The following FAM83G variants were observed in gnomAD, a reference collection of about 807,000 sequenced individuals.
The protein encoded by FAM83G is scaffolding CK1 anchoring protein G.
In FAM83G, 38 loss-of-function variants were observed where a neutral mutation model predicts 61.5. The ratio of observed to expected loss-of-function variants is 0.62; its 90% CI spans 0.48 to 0.81. The LOEUF is 0.81. Ranked by LOEUF, FAM83G falls within the 30% of genes least tolerant of loss-of-function variation. The pLI is 0.00. For missense variants in FAM83G, 989 were observed against 1,133.6 expected (o/e 0.87, Z 1.83); for synonymous variants, 470 against 476.1 (o/e 0.99, Z 0.17).
intron 3 of FAM83G, among the ~76,000 whole-genome samples, chr17:18,983,954 C>T (rs2152125197): frequency 6.6e-6 from 1 of 152,308 alleles, no homozygotes; most frequent in South Asian, 2.1e-4. Flanking sequence ...GGATGTTTAA[C>T]AACATCCTTG....
rs747223859 is a variant in FAM83G at position 18,976,954 on chromosome 17, T to C, written c.2082+630A>G. The C allele has an allele frequency of 3.8e-5, 61 of 1,613,158 alleles. 1 individual carries two copies. In the Admixed American group the frequency reaches 9.8e-4, roughly 26 times the overall value. On this transcript the variant is annotated intron_variant, in intron 5 of 5. Coordinates refer to ENST00000388995, the MANE Select transcript of FAM83G (RefSeq NM_001039999.3). ...AAGATGCTCCCCATGGGCCTGATCA[T>C]CATGCCGGGCATGATCAGCCGCGCA...
chr17:18,986,555 C>G (rs987761123), intron 3 of FAM83G, among the ~76,000 whole-genome samples: 3 of 152,220 alleles, frequency 2.0e-5, no homozygotes, highest in Non-Finnish European at 2.9e-5. Context: ...CAGGCCCAGG[C>G]ACTCCAGGCC....
intron 2 of FAM83G, among the ~76,000 whole-genome samples, chr17:18,997,758 C>T (rs960668519): frequency 2.0e-5 from 3 of 152,210 alleles, no homozygotes; most frequent in African/African-American, 7.2e-5. Flanking sequence ...ACTTCCACCC[C>T]AGACTACTCA....
intron 5 of FAM83G, chr17:18,976,880 C>T (rs767198712): frequency 6.2e-7 from 1 of 1,613,658 alleles, no homozygotes; most frequent in Non-Finnish European, 8.5e-7. Flanking sequence ...CACTGTCAGC[C>T]CGGGACCTGA....
In FAM83G at chr17:18,997,840, C is replaced by T. The variant is rs369341951; in HGVS notation, c.522+5680G>A. Among the ~76,000 whole-genome samples, 32 of 152,294 alleles carry T rather than the reference C, an allele frequency of 2.1e-4. 1 individual carries two copies. In the South Asian group the frequency reaches 6.0e-3, roughly 29 times the overall value. On this transcript the variant is annotated intron_variant, in intron 2 of 5. Coordinates refer to ENST00000388995, the MANE Select transcript of FAM83G (RefSeq NM_001039999.3). ...GCGAGGGGAGAGATCTGGCATCTAC[C>T]GATGCCAGCTCCATGCCAGACACAG... is the stretch of plus-strand genomic sequence containing the variant.
chr17:18,990,456 C>G (rs2043387707), intron 2 of FAM83G, among the ~76,000 whole-genome samples: 1 of 152,198 alleles, frequency 6.6e-6, no homozygotes, highest in Non-Finnish European at 1.5e-5. Context: ...ACGTGCCACC[C>G]TGGAAAGGAG....
At position 18,977,904 on chromosome 17, in the gene FAM83G, C is replaced by T. The variant is rs751950262; in HGVS notation, c.1762G>A (p.Val588Ile). The T allele has an allele frequency of 6.8e-6, 11 of 1,610,500 alleles. No individual in the cohort carries two copies. The highest frequency in any genetic ancestry group is 6.6e-5 in the South Asian group (6 of 91,064). ...GVEEEDDDDYVTLSDQDSHSG... is the reference protein window; with the variant it reads ...GVEEEDDDDYITLSDQDSHSG... Reference sequence around the variant, plus strand: ...TGGCTGTCCTGGTCACTGAGGGTTACGTAGTCGTCATCATCTTCTTCTTCC... The same window carrying T: ...TGGCTGTCCTGGTCACTGAGGGTTATGTAGTCGTCATCATCTTCTTCTTCC... The change falls in exon 5 of 6, where the codon GTA (valine) becomes ATA (isoleucine). Residue 588 changes from valine to isoleucine, a missense_variant. Around this residue, in one of 3 missense-constraint regions of FAM83G, gnomAD observed 574 missense variants for 645.1 expected, o/e 0.89. Transcript: ENST00000388995.
At chr17:19,002,050 C>T (rs1005523206) in intron 2 of FAM83G, among the ~76,000 whole-genome samples, 2 of 152,218 alleles carry the variant, frequency 1.3e-5, no homozygotes, top group African/African-American at 4.8e-5. Context: ...AGCAGCACTT[C>T]CTCCACACCA....
At chr17:18,977,481 ATCAGAG>A in intron 5 of FAM83G, 97 bp downstream of exon 5, 1 of 1,183,740 alleles carries the variant, frequency 8.4e-7, no homozygotes, top group Admixed American at 2.2e-5. Context: ...AATTGAAGTC[ATCAGAG>A]TCAGGGACAT....
Position 18,977,227 on chromosome 17 carries a change from G to A in FAM83G, c.2082+357C>T, listed in dbSNP as rs139486575. ...TGTGACCTCAAGGCTGTAAATGAAC[G>A]TCCCTGTGCCCCGCCTTTTCCTCAT... is the stretch of plus-strand genomic sequence containing the variant. On this transcript the variant is annotated intron_variant, in intron 5 of 5. Coordinates refer to ENST00000388995, the MANE Select transcript of FAM83G (RefSeq NM_001039999.3). The A allele has an allele frequency of 4.5e-4, 275 of 614,912 alleles. 1 individual carries two copies. The East Asian group carries it at 7.1e-3, about 16-fold the overall frequency. 38.1% of individuals were successfully genotyped at this position (614,912 alleles called of 1,614,324 possible). A position where few individuals can be genotyped will look rare whatever the true frequency, so the allele number is the denominator to read the frequency against.
At position 18,970,928 on chromosome 17, in the gene FAM83G, C is replaced by A; in HGVS notation, c.*431G>T. On this transcript the variant is annotated 3_prime_UTR_variant, in exon 6 of 6. Transcript: ENST00000388995. ...TCAAGTTTGATGCATCAGGAAGTTT[C>A]TTGTGAGATGAAGGCAGGGGGGAGC... 7.5e-7 allele frequency: 1 copy of A among 1,337,818 alleles called. No homozygotes were observed. Among genetic ancestry groups the A allele is most frequent in the Middle Eastern group, 2.1e-4 (1 of 4,844 alleles). The allele number at this position is 1,337,818 out of a possible 1,614,324, so 82.9% of individuals were successfully genotyped here.
chr17:18,972,637 C>T (rs1259100026), intron 5 of FAM83G, among the ~76,000 whole-genome samples: 1 of 152,098 alleles, frequency 6.6e-6, no homozygotes, highest in Non-Finnish European at 1.5e-5. Flanking sequence ...CTGACATGGG[C>T]GGATCACGAG....
At chr17:18,984,552 C>T (rs1197051384) in intron 3 of FAM83G, among the ~76,000 whole-genome samples, 8 of 152,230 alleles carry the variant, frequency 5.3e-5, no homozygotes, top group Non-Finnish European at 1.0e-4. Flanking sequence ...CCAGCTGATG[C>T]TTCTTTGTTC....
chr17:18,989,840 G>A (rs971268053), intron 2 of FAM83G, among the ~76,000 whole-genome samples: 9 of 152,224 alleles, frequency 5.9e-5, no homozygotes, highest in Admixed American at 2.0e-4. Flanking sequence ...GTTGGATGTC[G>A]CAAAGCAAGT....
chr17:18,994,688 G>T (rs59338694), intron 2 of FAM83G, among the ~76,000 whole-genome samples: 5 of 151,992 alleles, frequency 3.3e-5, no homozygotes. Context: ...TGCAGGGGGT[G>T]TCCTCAGAAG....
intron 3 of FAM83G, among the ~76,000 whole-genome samples, chr17:18,984,680 C>T (rs1002459173): frequency 3.3e-5 from 5 of 152,268 alleles, no homozygotes; most frequent in Admixed American, 1.3e-4. Context: ...CTTGTCTGTC[C>T]TAAGCTGGAA....
intron 5 of FAM83G, among the ~76,000 whole-genome samples, chr17:18,974,880 G>T (rs2042942063): frequency 6.6e-6 from 1 of 152,108 alleles, no homozygotes; most frequent in African/African-American, 2.4e-5. Flanking sequence ...GGGAGGTGGG[G>T]GTGAGCAGTG....
chr17:18,983,242 C>A (rs558336600), intron 3 of FAM83G, among the ~76,000 whole-genome samples: 2 of 152,370 alleles, frequency 1.3e-5, no homozygotes, highest in Non-Finnish European at 2.9e-5. Flanking sequence ...TGGCCAAACA[C>A]CGTCTCCTTT....
chr17:18,996,744 T>C lies in FAM83G; in HGVS notation c.522+6776A>G, dbSNP rs2043579929. Among the ~76,000 whole-genome samples, 2 of 152,212 alleles carry C rather than the reference T, an allele frequency of 1.3e-5. No homozygotes were observed. ...GGGTGTCACTGTCCCAGGGCCACCCTGTCAACTAGTGGCAGAGGTCTCCTG... is the reference window on the plus strand; with the variant it reads ...GGGTGTCACTGTCCCAGGGCCACCCCGTCAACTAGTGGCAGAGGTCTCCTG... On this transcript the variant is annotated intron_variant, in intron 2 of 5. Coordinates refer to ENST00000388995, the MANE Select transcript of FAM83G (RefSeq NM_001039999.3). This position sits in a 1 kb window ranked among gnomAD's most constrained non-coding sequence, Gnocchi z 4.4.
Sources: gnomAD v4.1 joint callset for allele counts (sites outside exome capture counted in the v4.1 genomes callset) on GRCh38, gnomAD v4.1.1 for gene constraint, gnomAD v4.1.1 regional missense constraint, Gnocchi (gnomAD v3.1) non-coding constraint, MANE v1.5 for transcripts, NCBI Gene and HGNC (gene_info 2026-07-23, HGNC 2026-07-21) for gene names.